Variants in SLC35D4 observed in about 807,000 individuals in gnomAD.
SLC35D4 encodes the protein solute carrier family 35 member D4, also known as UDP-N-acetylglucosamine transporter SLC35D4.
At chr18:23,242,053 A>G in the SLC35D4 span, among the ~76,000 whole-genome samples, 1 of 152,162 alleles carries the variant, frequency 6.6e-6, no homozygotes, top group Non-Finnish European at 1.5e-5. Context: ...AGGCGGGTGG[A>G]TCACCTGAGG....
the SLC35D4 span, among the ~76,000 whole-genome samples, chr18:23,382,539 CA>C: frequency 6.7e-6 from 1 of 149,860 alleles, no homozygotes; most frequent in Non-Finnish European, 1.5e-5. Context: ...GTAAAACTTC[CA>C]CTTATTTTAT....
chr18:23,264,101 C>CAACT, the SLC35D4 span, among the ~76,000 whole-genome samples: 1 of 152,238 alleles, frequency 6.6e-6, no homozygotes, highest in African/African-American at 2.4e-5. Context: ...TTGTTCCCTG[C>CAACT]AACTCTGAAT....
At chr18:23,247,184 G>A in the SLC35D4 span, among the ~76,000 whole-genome samples, 1 of 152,242 alleles carries the variant, frequency 6.6e-6, no homozygotes, top group Non-Finnish European at 1.5e-5. Context: ...CTCTTGGCAT[G>A]GTTGGGAGGC....
At chr18:23,304,764 G>A in the SLC35D4 span, among the ~76,000 whole-genome samples, 3 of 152,062 alleles carry the variant, frequency 2.0e-5, no homozygotes, top group African/African-American at 7.2e-5. Flanking sequence ...AAATCACTAA[G>A]TCTCCACTGG....
At chr18:23,365,735 C>T in the SLC35D4 span, 7 of 1,579,714 alleles carry the variant, frequency 4.4e-6, no homozygotes, top group Admixed American at 5.4e-5. Context: ...TGTTCCCACA[C>T]ATTTTACTTG....
the SLC35D4 span, among the ~76,000 whole-genome samples, chr18:23,263,153 C>G: frequency 1.3e-5 from 2 of 152,206 alleles, no homozygotes; most frequent in Non-Finnish European, 2.9e-5. Flanking sequence ...AGGCAAGATT[C>G]AAACCCAGCT....
chr18:23,427,113 G>A, the SLC35D4 span, among the ~76,000 whole-genome samples: 3 of 152,128 alleles, frequency 2.0e-5, no homozygotes, highest in Non-Finnish European at 2.9e-5. Flanking sequence ...CATGGGCAAG[G>A]ACTTCATGAC....
chr18:23,352,245 T>C, the SLC35D4 span: 1 of 1,612,504 alleles, frequency 6.2e-7, no homozygotes, highest in Non-Finnish European at 8.5e-7. Context: ...CAGAAGGTTT[T>C]TTAGCTTCAC....
At chr18:23,372,146 C>T in the SLC35D4 span, among the ~76,000 whole-genome samples, 5 of 149,628 alleles carry the variant, frequency 3.3e-5, no homozygotes, top group Admixed American at 1.3e-4. Context: ...CGTTTTTAGC[C>T]AGGATGGTCT....
the SLC35D4 span, among the ~76,000 whole-genome samples, chr18:23,405,697 G>C: frequency 6.6e-6 from 1 of 152,220 alleles, no homozygotes; most frequent in Non-Finnish European, 1.5e-5. Context: ...TGGGAGGAGA[G>C]AGAGGGGTGT....
the SLC35D4 span, among the ~76,000 whole-genome samples, chr18:23,275,110 G>T: frequency 6.6e-6 from 1 of 151,660 alleles, no homozygotes; most frequent in South Asian, 2.1e-4. Flanking sequence ...GTGTTTTTGT[G>T]TGTGCATGTG....
At chr18:23,249,105 T>C in the SLC35D4 span, among the ~76,000 whole-genome samples, 1 of 152,248 alleles carries the variant, frequency 6.6e-6, no homozygotes, top group Non-Finnish European at 1.5e-5. Context: ...GACTTGAGGA[T>C]TCCTGCCCTG....
chr18:23,371,945 T>TGGTTTTTTTTTG, the SLC35D4 span, among the ~76,000 whole-genome samples: 8 of 73,346 alleles, frequency 1.1e-4, no homozygotes, highest in Admixed American at 3.0e-4. Flanking sequence ...GTTTTTTTTT[T>TGGTTTTTTTTTG]TTTTTTTTGA....
chr18:23,293,499 T>C, the SLC35D4 span, among the ~76,000 whole-genome samples: 3 of 152,256 alleles, frequency 2.0e-5, no homozygotes, highest in African/African-American at 4.8e-5. Flanking sequence ...AACCAGTGTG[T>C]TCTTACACTT....
chr18:23,367,003 A>G, the SLC35D4 span, among the ~76,000 whole-genome samples: 2 of 152,168 alleles, frequency 1.3e-5, no homozygotes, highest in Admixed American at 1.3e-4. Flanking sequence ...TATACCCTGT[A>G]TATACTCCAT....
chr18:23,405,686 A>G, the SLC35D4 span, among the ~76,000 whole-genome samples: 1 of 152,216 alleles, frequency 6.6e-6, no homozygotes, highest in Non-Finnish European at 1.5e-5. Flanking sequence ...TGTAGTAGTC[A>G]TGGGAGGAGA....
the SLC35D4 span, among the ~76,000 whole-genome samples, chr18:23,388,644 G>C: frequency 6.6e-6 from 1 of 152,110 alleles, no homozygotes; most frequent in Non-Finnish European, 1.5e-5. Flanking sequence ...TAATAAACCT[G>C]CTGATATGGT....
At chr18:23,437,914 C>A in the SLC35D4 span, 1 of 1,545,348 alleles carries the variant, frequency 6.5e-7, no homozygotes, top group Non-Finnish European at 8.8e-7. Flanking sequence ...GGCCGCCGCC[C>A]GACCCCCGCA....
At chr18:23,273,299 C>T in the SLC35D4 span, among the ~76,000 whole-genome samples, 2 of 152,250 alleles carry the variant, frequency 1.3e-5, no homozygotes, top group East Asian at 3.9e-4. Context: ...GGAAGTACTC[C>T]TCGACTGCAA....
Sources: allele counts gnomAD v4.1 joint callset (sites outside exome capture counted in the v4.1 genomes callset), GRCh38; gene constraint gnomAD v4.1.1; transcripts MANE v1.5; gene names NCBI Gene and HGNC (gene_info 2026-07-23, HGNC 2026-07-21).